The following ESPNL variants were observed in gnomAD, a reference collection of about 807,000 sequenced individuals.
ESPNL encodes espin like.
Under a neutral mutation model 46.8 loss-of-function variants are expected in ESPNL, and 49 were observed. The observed-to-expected ratio is 1.05, with a 90% CI of 0.83 to 1.33. ESPNL has a LOEUF of 1.33. Among genes scored for constraint, ESPNL ranks in the 40% most tolerant of loss-of-function variants. The pLI is 0.00. For synonymous variants in ESPNL, 664 were observed against 662.1 expected, an observed-to-expected ratio of 1.00 and a Z score of -0.04; for missense variants, 1,540 against 1,436.6, an observed-to-expected ratio of 1.07 and a Z score of -1.16.
At position 238,126,160 on chromosome 2, in the gene ESPNL, CTG is replaced by C. The variant is rs1203432613; in HGVS notation, c.1102+783_1102+784del. On this transcript the variant is annotated intron_variant, in intron 6 of 8. Coordinates refer to ENST00000343063, the MANE Select transcript of ESPNL (RefSeq NM_194312.4). ...TCTGTGTGATTGTGTCTGTGTGCAT[CTG>C]TGTGTGATTGTGTTCGAGTGTGTGA... is the stretch of plus-strand genomic sequence containing the variant. Among the ~76,000 whole-genome samples the C allele has an allele frequency of 5.4e-5, 8 of 147,874 alleles. No individual in the cohort carries two copies. The East Asian group carries it at 6.2e-4, about 11-fold the overall frequency.
intron 5 of ESPNL, among the ~76,000 whole-genome samples, chr2:238,117,859 G>A (rs537769913): frequency 6.6e-6 from 1 of 152,306 alleles, no homozygotes; most frequent in African/African-American, 2.4e-5. Context: ...AAAATGAGGA[G>A]AGGGATACAT....
chr2:238,101,329 C>T (rs1316413273), intron 1 of ESPNL, among the ~76,000 whole-genome samples: 16 of 152,192 alleles, frequency 1.1e-4, no homozygotes, highest in Non-Finnish European at 1.9e-4. Flanking sequence ...CCTGCTTAGA[C>T]TGCGGAGCGG....
intron 4 of ESPNL, among the ~76,000 whole-genome samples, chr2:238,109,293 A>T (rs1388282854): frequency 6.6e-6 from 1 of 152,214 alleles, no homozygotes; most frequent in Non-Finnish European, 1.5e-5. Context: ...AAGTTTAATA[A>T]ATCAGCTGAC....
Position 238,131,014 on chromosome 2 carries a change from G to A in ESPNL, c.2300G>A (p.Gly767Glu). 1.3e-6 allele frequency: 2 copies of A among 1,542,130 alleles called. No homozygotes were observed. The highest frequency in any genetic ancestry group is 2.4e-5 in the South Asian group (2 of 83,958). Residue 767 changes from glycine (G) to glutamate (E), a missense_variant, in exon 9 of 9, where the codon GGA (glycine) becomes GAA (glutamate). By Grantham distance (98) the Gly-to-Glu change is moderately conservative. Transcript: ENST00000343063. ...ALKTVACRTL[G>E]ARHAGLRGQE... ...AAGACAGTGGCCTGCAGGACCCTAG[G>A]AGCCCGCCACGCGGGGTTGCGGGGC... is the stretch of plus-strand genomic sequence containing the variant.
At chr2:238,126,642 CTGTG>C (rs1164738084) in intron 6 of ESPNL, among the ~76,000 whole-genome samples, 3 of 138,594 alleles carry the variant, frequency 2.2e-5, no homozygotes, top group African/African-American at 8.4e-5. Flanking sequence ...TTCTGTGTTT[CTGTG>C]TGATTGTGTC....
intron 4 of ESPNL, among the ~76,000 whole-genome samples, chr2:238,115,585 C>A (rs773221312): frequency 5.3e-5 from 8 of 152,264 alleles, no homozygotes; most frequent in Non-Finnish European, 1.0e-4. Context: ...GCATGCTGAA[C>A]CTGTATTTAT....
chr2:238,130,091 G>T, intron 8 of ESPNL, 37 bp from the exon 9 acceptor site: 1 of 1,577,366 alleles, frequency 6.3e-7, no homozygotes, highest in Non-Finnish European at 8.6e-7. Flanking sequence ...GTGGGTGGGT[G>T]GGCTCACCCT....
intron 8 of ESPNL, 55 bp downstream of exon 8, chr2:238,128,959 G>T: frequency 6.7e-7 from 1 of 1,500,502 alleles, no homozygotes; most frequent in Non-Finnish European, 8.9e-7. Flanking sequence ...TTTCCAGGTA[G>T]GTGGAAGTGG....
chr2:238,119,255 A>G (rs1312142145), intron 5 of ESPNL, among the ~76,000 whole-genome samples: 3 of 120,700 alleles, frequency 2.5e-5, no homozygotes, highest in African/African-American at 1.0e-4. Flanking sequence ...GGATGGATGG[A>G]GGAGAAATGG....
chr2:238,106,185 C>T (rs766901961), intron 3 of ESPNL, among the ~76,000 whole-genome samples: 7 of 152,220 alleles, frequency 4.6e-5, no homozygotes, highest in Non-Finnish European at 8.8e-5. Flanking sequence ...CCACCTGCTA[C>T]GTTCCCCGCA....
Position 238,131,124 on chromosome 2 carries a change from A to G in ESPNL, c.2410A>G (p.Ile804Val), listed in dbSNP as rs1243995564. 1 of 1,545,444 alleles carries G rather than the reference A, an allele frequency of 6.5e-7. No homozygotes were observed. Among genetic ancestry groups the G allele is most frequent in the African/African-American group, 1.4e-5 (1 of 73,028 alleles). The change falls in exon 9 of 9, where the codon ATC becomes GTC. Residue 804 changes from isoleucine (I) to valine (V), a missense_variant. Ile to Val is a conservative substitution (Grantham distance 29, BLOSUM62 3). Coordinates refer to ENST00000343063, the MANE Select transcript of ESPNL (RefSeq NM_194312.4). ...CCACCTGTGGCAGCAGCGCAGCACC[A>G]TCACCCACCTGCTGGGCAACTGGAA... ...LGHLWQQRST[I>V]THLLGNWKAI... is the part of the protein sequence containing the mutation.
At position 238,107,915 on chromosome 2, in the gene ESPNL, T is replaced by C. The variant is rs755723310; in HGVS notation, c.797T>C (p.Leu266Pro). 8 of 1,613,086 alleles carry C rather than the reference T, an allele frequency of 5.0e-6. No individual in the cohort carries two copies. The highest frequency in any genetic ancestry group is 6.8e-6 in the Non-Finnish European group (8 of 1,179,848). ...CTCCTGCTCATGGGTACCCCCATCCTGAGAGACTCCTGGGGTGGGACCCCC... is the reference window on the plus strand; with the variant it reads ...CTCCTGCTCATGGGTACCCCCATCCCGAGAGACTCCTGGGGTGGGACCCCC... ...DRLLLMGTPI[L>P]RDSWGGTPLH... Residue 266 changes from leucine to proline, a missense_variant, in exon 4 of 9, where the codon CTG (leucine) becomes CCG (proline). Leu to Pro is a moderately conservative substitution (Grantham distance 98). Transcript: ENST00000343063.
chr2:238,131,042 G>A lies in ESPNL; in HGVS notation c.2328G>A (p.Gln776=), dbSNP rs761331702. Residue 776 remains glutamine (Q), a synonymous_variant, in exon 9 of 9, where the codon CAG becomes CAA. Coordinates refer to ENST00000343063, the MANE Select transcript of ESPNL (RefSeq NM_194312.4). ...CCCGCCACGCGGGGTTGCGGGGCCAGGAGGCCGCCAGGAGCCCTGGGCCAC... is the reference window on the plus strand; with the variant it reads ...CCCGCCACGCGGGGTTGCGGGGCCAAGAGGCCGCCAGGAGCCCTGGGCCAC... ...LGARHAGLRG[Q]EAARSPGPPS... The A allele has an allele frequency of 7.6e-5, 117 of 1,538,252 alleles. No individual in the cohort carries two copies. The highest frequency in any genetic ancestry group is 9.7e-5 in the Non-Finnish European group (111 of 1,143,330).
intron 1 of ESPNL, among the ~76,000 whole-genome samples, chr2:238,101,163 C>G (rs1691464700): frequency 6.6e-6 from 1 of 152,194 alleles, no homozygotes; most frequent in Non-Finnish European, 1.5e-5. Flanking sequence ...CTGGGCCCCC[C>G]TCCCCTATCC....
In ESPNL at chr2:238,128,891, C is replaced by T; in HGVS notation, c.1400C>T (p.Ser467Phe). 1.9e-6 allele frequency: 3 copies of T among 1,541,588 alleles called. No homozygotes were observed. The highest frequency in any genetic ancestry group is 1.4e-5 in the African/African-American group (1 of 73,026). ...CAGGCGCGCCTGGGCGCAGAGAGCTCCGCAGAGGCCCAGGTAGGCCCCCGG... is the reference window on the plus strand; with the variant it reads ...CAGGCGCGCCTGGGCGCAGAGAGCTTCGCAGAGGCCCAGGTAGGCCCCCGG... ...KLQARLGAESSAEAQDNGGSS... is the reference protein window; with the variant it reads ...KLQARLGAESFAEAQDNGGSS... The change falls in exon 8 of 9, where the codon TCC (serine) becomes TTC (phenylalanine). Residue 467 changes from serine to phenylalanine, a missense_variant. By Grantham distance (155) the Ser-to-Phe change is radical. Coordinates refer to ENST00000343063, the MANE Select transcript of ESPNL (RefSeq NM_194312.4).
rs751243276 is a variant in ESPNL at position 238,130,495 on chromosome 2, G to A, written c.1781G>A (p.Ser594Asn). ...GTGCAGCCCCTGCCCTTCTGGTGCA[G>A]CCACATCTCCCGCCTGGTACGCAGC... ...PGVQPLPFWC[S>N]HISRLVRSLS... The change falls in exon 9 of 9, where the codon AGC becomes AAC. Residue 594 changes from serine (S) to asparagine (N), a missense_variant. Coordinates refer to ENST00000343063, the MANE Select transcript of ESPNL (RefSeq NM_194312.4). The A allele has an allele frequency of 6.9e-6, 11 of 1,598,412 alleles. No individual in the cohort carries two copies. The African/African-American group carries it at 1.5e-4, about 21-fold the overall frequency.
intron 4 of ESPNL, among the ~76,000 whole-genome samples, chr2:238,109,342 T>G (rs1691667975): frequency 6.6e-6 from 1 of 152,196 alleles, no homozygotes; most frequent in African/African-American, 2.4e-5. Flanking sequence ...AAAAGAAAAT[T>G]ACTCAAGCCT....
rs769499364 is a variant in ESPNL, at chr2:238,131,516, C to G, written c.2802C>G (p.Ala934=). Residue 934 remains alanine (A), a synonymous_variant, in exon 9 of 9, where the codon GCC becomes GCG. Coordinates refer to ENST00000343063, the MANE Select transcript of ESPNL (RefSeq NM_194312.4). ...TCTTTGGCTCCAGCCAGCGTCCCGC[C>G]TGGGATACGGAGCCTGGCCGCAAGT... ...ARFFGSSQRP[A]WDTEPGRKSG... The G allele has an allele frequency of 2.5e-6, 4 of 1,611,566 alleles. No homozygotes were observed. In the African/African-American group the frequency reaches 5.3e-5, roughly 22 times the overall value.
In ESPNL at chr2:238,128,852, T is replaced by C. The variant is rs1692205674; in HGVS notation, c.1361T>C (p.Met454Thr). Residue 454 changes from methionine (M) to threonine (T), a missense_variant, in exon 8 of 9, where the codon ATG becomes ACG. Transcript: ENST00000343063. The stretch of plus-strand genomic sequence containing the variant: ...ATCCCAGAGTGGAAGCGGCAGGTGA[T>C]GGTGCGGAAGCTGCAGGCGCGCCTG... ...QPIPEWKRQV[M>T]VRKLQARLGA... The C allele has an allele frequency of 6.5e-7, 1 of 1,548,388 alleles. No individual in the cohort carries two copies. The highest frequency in any genetic ancestry group is 8.7e-7 in the Non-Finnish European group (1 of 1,146,894).
Sources: gnomAD v4.1 joint callset for allele counts (sites outside exome capture counted in the v4.1 genomes callset) on GRCh38, gnomAD v4.1.1 for gene constraint, MANE v1.5 for transcripts, NCBI Gene and HGNC (gene_info 2026-07-23, HGNC 2026-07-21) for gene names.